The following CCDC77 variants were observed in gnomAD, a reference collection of about 807,000 sequenced individuals.
The protein encoded by CCDC77 is coiled-coil domain-containing protein 77.
Under a neutral mutation model 66.8 loss-of-function variants are expected in CCDC77, and 56 were observed. The observed-to-expected ratio is 0.84, with a 90% CI of 0.68 to 1.05. The LOEUF is 1.05. Ranked by LOEUF, CCDC77 falls within the 50% of genes least tolerant of loss-of-function variation. The pLI is 0.00. For synonymous variants in CCDC77, 196 were observed against 195.2 expected, an observed-to-expected ratio of 1.00 and a Z score of -0.03; for missense variants, 570 against 576.8, an observed-to-expected ratio of 0.99 and a Z score of 0.12.
chr12:417,614 T>C (rs923565790), intron 4 of CCDC77, among the ~76,000 whole-genome samples: 31 of 152,312 alleles, frequency 2.0e-4, no homozygotes, highest in African/African-American at 7.2e-4. Flanking sequence ...TAGGAAACAT[T>C]ACTAAAAAAG....
chr12:441,652 T>G (rs1945859452), intron 12 of CCDC77, 122 bp from the exon 13 acceptor site: 1 of 1,008,832 alleles, frequency 9.9e-7, no homozygotes, highest in Non-Finnish European at 1.4e-6. Context: ...AGGATGGAAT[T>G]TATCCTATGT....
Position 442,106 on chromosome 12 carries a change from T to C in CCDC77, c.*186T>C. 2 of 624,830 alleles carry C rather than the reference T, an allele frequency of 3.2e-6. No individual in the cohort carries two copies. The highest frequency in any genetic ancestry group is 2.8e-6 in the Non-Finnish European group (1 of 362,086). 38.7% of individuals were successfully genotyped at this position (624,830 alleles called of 1,614,324 possible). ...TTTCTTGCATACTCAGCTTGCTTTA[T>C]CATTTTTGCTGTCCTTTTAACACTT... On this transcript the variant is annotated 3_prime_UTR_variant, in exon 13 of 13. Transcript: ENST00000239830.
At position 436,689 on chromosome 12, in the gene CCDC77, T is replaced by C. The variant is rs1945765608; in HGVS notation, c.822-1646T>C. 4.0e-6 allele frequency: 3 copies of C among 753,828 alleles called. No individual in the cohort carries two copies. The South Asian group carries it at 1.8e-4, about 45-fold the overall frequency. 46.7% of individuals were successfully genotyped at this position (753,828 alleles called of 1,614,324 possible). A position where few individuals can be genotyped will look rare whatever the true frequency, so the allele number is the denominator to read the frequency against. On this transcript the variant is annotated intron_variant, in intron 9 of 12. Coordinates refer to ENST00000239830, the MANE Select transcript of CCDC77 (RefSeq NM_032358.4). ...TTAATATTGTCATAGTAATTTGTAA[T>C]TTTATATCTGTTTTCCAGAATACCA...
intron 9 of CCDC77, among the ~76,000 whole-genome samples, chr12:436,247 A>C (rs1415893353): frequency 1.3e-5 from 2 of 150,376 alleles, no homozygotes; most frequent in African/African-American, 4.9e-5. Flanking sequence ...CCTCCTGAGT[A>C]GCTGGGACTA....
chr12:430,836 T>G (rs1183623466), intron 7 of CCDC77, 100 bp downstream of exon 7: 1 of 910,516 alleles, frequency 1.1e-6, no homozygotes, highest in East Asian at 2.6e-5. Context: ...CCCAGCACTT[T>G]GGGAGGCTGA....
intron 4 of CCDC77, among the ~76,000 whole-genome samples, chr12:418,281 A>C (rs959334361): frequency 1.3e-5 from 2 of 152,106 alleles, no homozygotes; most frequent in African/African-American, 2.4e-5. Context: ...CCACTGCACT[A>C]CAGCCTGGGC....
At chr12:426,024 C>A (rs545481200) in intron 5 of CCDC77, among the ~76,000 whole-genome samples, 2 of 152,268 alleles carry the variant, frequency 1.3e-5, no homozygotes, top group South Asian at 4.1e-4. Flanking sequence ...CTATCACGCC[C>A]AGCTAATTTT....
chr12:416,741 C>G (rs1945292931), intron 4 of CCDC77, among the ~76,000 whole-genome samples: 1 of 151,816 alleles, frequency 6.6e-6, no homozygotes, highest in African/African-American at 2.4e-5. Context: ...AAAACTCCAT[C>G]CCATTAAACA....
chr12:415,405 A>AATATTATGTTAATATAATCAAC (rs1377095823), intron 4 of CCDC77, among the ~76,000 whole-genome samples: 1 of 73,030 alleles, frequency 1.4e-5, no homozygotes, highest in African/African-American at 4.6e-5. Context: ...TAATCAACAT[A>AATATTATGTTAATATAATCAAC]ATATGTTGAT....
intron 1 of CCDC77, among the ~76,000 whole-genome samples, chr12:404,574 C>A (rs2137535271): frequency 6.6e-6 from 1 of 152,206 alleles, no homozygotes; most frequent in Admixed American, 6.5e-5. Context: ...TCAAGGCCAG[C>A]CTGGGCAACA....
rs144744794 is a variant in CCDC77, at chr12:416,307, ATG to A, written c.271-2170_271-2169del. ...TTCAGTTGAGTAGTGTTAAGTGTTT[ATG>A]TGTGTGTGTGTGTGTGAGTCTGTGG... On this transcript the variant is annotated intron_variant, in intron 4 of 12. Transcript: ENST00000239830. 3.3e-4 allele frequency among the ~76,000 whole-genome samples: 29 copies of A among 86,746 alleles called. 1 individual carries two copies. Among genetic ancestry groups the A allele is most frequent in the East Asian group, 7.0e-4 (2 of 2,844 alleles). The allele number at this position is 86,746 out of a possible 152,430, so 56.9% of individuals were successfully genotyped here. A position where few individuals can be genotyped will look rare whatever the true frequency, so the allele number is the denominator to read the frequency against.
At chr12:435,318 C>T (rs1285845004) in intron 9 of CCDC77, among the ~76,000 whole-genome samples, 2 of 151,478 alleles carry the variant, frequency 1.3e-5, no homozygotes, top group Admixed American at 1.3e-4. Flanking sequence ...TCATGTATTC[C>T]GTTTCCAAAT....
rs770938709 is a variant in CCDC77, at chr12:438,540, A to C, written c.1027A>C (p.Ser343Arg). The C allele has an allele frequency of 1.2e-6, 2 of 1,610,832 alleles. No individual in the cohort carries two copies. Among genetic ancestry groups the C allele is most frequent in the Non-Finnish European group, 8.5e-7 (1 of 1,177,594 alleles). The change falls in exon 10 of 13, where the codon AGT becomes CGT. Residue 343 changes from serine (S) to arginine (R), a missense_variant. Physicochemically the swap from Ser to Arg is moderately radical, Grantham distance 110. Coordinates refer to ENST00000239830, the MANE Select transcript of CCDC77 (RefSeq NM_032358.4). ...PVMHESHHAQ[S>R]EYIKSLKDKL... ...TATGCATGAGAGTCACCATGCTCAA[A>C]GTGAATATATTAAGGTAATGTCCTT...
intron 5 of CCDC77, among the ~76,000 whole-genome samples, chr12:428,403 C>T (rs569485317): frequency 2.0e-5 from 3 of 147,026 alleles, no homozygotes; most frequent in Non-Finnish European, 3.0e-5. Flanking sequence ...CCCAGGTGCT[C>T]GGGAGGCTGA....
intron 9 of CCDC77, among the ~76,000 whole-genome samples, chr12:435,788 G>T (rs928926053): frequency 6.6e-6 from 1 of 152,158 alleles, no homozygotes; most frequent in Admixed American, 6.5e-5. Context: ...GCCCAGGCTG[G>T]AGTGCAGTGG....
intron 5 of CCDC77, 70 bp from the exon 6 acceptor site, chr12:428,699 C>G: frequency 9.8e-7 from 1 of 1,022,052 alleles, no homozygotes; most frequent in East Asian, 2.6e-5. Context: ...AAGGGAGATC[C>G]TTTAAACAGA....
chr12:424,851 A>G (rs1389158214), intron 5 of CCDC77, among the ~76,000 whole-genome samples: 1 of 148,366 alleles, frequency 6.7e-6, no homozygotes, highest in Non-Finnish European at 1.5e-5. Flanking sequence ...CAACTTCATT[A>G]TTTTGCATGT....
Position 418,520 on chromosome 12 carries a change from G to C in CCDC77, c.297G>C (p.Gln99His), listed in dbSNP as rs1945328824. Residue 99 changes from glutamine to histidine, a missense_variant, in exon 5 of 13, where the codon CAG becomes CAC. By Grantham distance (24) the Gln-to-His change is conservative. Coordinates refer to ENST00000239830, the MANE Select transcript of CCDC77 (RefSeq NM_032358.4). Reference protein sequence around the residue: ...GQHKLECDLQQREEEIAELQK... With the variant: ...GQHKLECDLQHREEEIAELQK... ...ATAAACTTGAATGTGATTTGCAGCA[G>C]AGGGAGGAAGAGATTGCTGAATTGC... 13 of 1,613,998 alleles carry C rather than the reference G, an allele frequency of 8.1e-6. No homozygotes were observed. Among genetic ancestry groups the C allele is most frequent in the Non-Finnish European group, 1.1e-5 (13 of 1,180,010 alleles).
rs1329485055 is a variant in CCDC77 at position 438,532 on chromosome 12, A to G, written c.1019A>G (p.His340Arg). The G allele has an allele frequency of 1.9e-6, 3 of 1,612,970 alleles. No homozygotes were observed. Among genetic ancestry groups the G allele is most frequent in the Non-Finnish European group, 2.5e-6 (3 of 1,179,270 alleles). ...TTGCCCGTTATGCATGAGAGTCACC[A>G]TGCTCAAAGTGAATATATTAAGGTA... ...KVLPVMHESH[H>R]AQSEYIKSLK... Residue 340 changes from histidine (H) to arginine (R), a missense_variant, in exon 10 of 13, where the codon CAT (histidine) becomes CGT (arginine). His to Arg is a conservative substitution (Grantham distance 29). Transcript: ENST00000239830.
Sources: gnomAD v4.1 joint callset for allele counts (sites outside exome capture counted in the v4.1 genomes callset) on GRCh38, gnomAD v4.1.1 for gene constraint, MANE v1.5 for transcripts, NCBI Gene and HGNC (gene_info 2026-07-23, HGNC 2026-07-21) for gene names.